TRPM3: variants seen among roughly 807,000 people sequenced by gnomAD.
TRPM3 encodes the protein transient receptor potential cation channel subfamily M member 3.
Under a neutral mutation model 181.2 loss-of-function variants are expected in TRPM3, and 77 were observed. That is an observed-to-expected ratio of 0.42 (90% CI 0.35 to 0.51). TRPM3 has a LOEUF of 0.51. Ranked by LOEUF, TRPM3 falls within the 20% of genes least tolerant of loss-of-function variation. The pLI, the probability that TRPM3 is intolerant of heterozygous loss-of-function variation, is 0.01. For missense variants in TRPM3, 1,759 were observed against 2,196.7 expected, an observed-to-expected ratio of 0.80 and a Z score of 3.98; for synonymous variants, 745 against 796.4, an observed-to-expected ratio of 0.94 and a Z score of 1.09.
chr9:70,613,745 A>C (rs1185106164), intron 18 of TRPM3, among the ~76,000 whole-genome samples: 1 of 152,148 alleles, frequency 6.6e-6, no homozygotes, highest in East Asian at 1.9e-4. Context: ...GCTCTTAGTA[A>C]ACAACGTCAG....
chr9:71,023,751 C>T (rs536544955), intron 1 of TRPM3, among the ~76,000 whole-genome samples: 1 of 150,468 alleles, frequency 6.6e-6, no homozygotes, highest in Admixed American at 6.6e-5. Flanking sequence ...TGTATGAGTT[C>T]ATTTATATTA....
rs147178597 is a variant in TRPM3 at position 70,771,136 on chromosome 9, G to A, written c.1149-9412C>T. The stretch of plus-strand genomic sequence containing the variant: ...ATTTTATGCCATCCTGAACTCAAAC[G>A]GGTGTTAGGATAAGAATTCATACTT... On this transcript the variant is annotated intron_variant, in intron 7 of 25. Coordinates refer to ENST00000677713, the MANE Select transcript of TRPM3 (RefSeq NM_001366145.2). Among the ~76,000 whole-genome samples, 25 of 152,218 alleles carry A rather than the reference G, an allele frequency of 1.6e-4. No individual in the cohort carries two copies. In the East Asian group the frequency reaches 3.7e-3, roughly 22 times the overall value.
chr9:70,759,398 G>T (rs1177289572), intron 8 of TRPM3, among the ~76,000 whole-genome samples: 1 of 152,206 alleles, frequency 6.6e-6, no homozygotes, highest in Non-Finnish European at 1.5e-5. Context: ...GTGTATATTA[G>T]TTCAATCATT....
At chr9:71,364,848 A>AAAAGGATG (rs2092282084) in intron 1 of TRPM3, among the ~76,000 whole-genome samples, 1 of 152,350 alleles carries the variant, frequency 6.6e-6, no homozygotes, top group East Asian at 1.9e-4. Context: ...ATACACAAGA[A>AAAAGGATG]TACATCCTTT....
At chr9:70,810,557 T>C (rs2091838481) in intron 6 of TRPM3, among the ~76,000 whole-genome samples, 1 of 152,140 alleles carries the variant, frequency 6.6e-6, no homozygotes, top group Non-Finnish European at 1.5e-5. Flanking sequence ...TTTTGCTTGA[T>C]GACTCATTCC....
At chr9:71,027,870 G>A (rs915306496) in intron 1 of TRPM3, among the ~76,000 whole-genome samples, 1 of 152,138 alleles carries the variant, frequency 6.6e-6, no homozygotes, top group Non-Finnish European at 1.5e-5. Flanking sequence ...TGGAGAGAAT[G>A]GAAGCAACTT....
chr9:71,230,240 C>T (rs1048853239), intron 1 of TRPM3, among the ~76,000 whole-genome samples: 2 of 152,054 alleles, frequency 1.3e-5, no homozygotes, highest in Non-Finnish European at 2.9e-5. Flanking sequence ...CATATTCTCA[C>T]TTAGTTGTGG....
intron 1 of TRPM3, among the ~76,000 whole-genome samples, chr9:71,188,603 A>G (rs2077825335): frequency 6.6e-6 from 1 of 151,844 alleles, no homozygotes. Context: ...AGGGTTTTAG[A>G]CTTAGTCCAG....
At chr9:71,359,096 G>A (rs1349679562) in intron 1 of TRPM3, among the ~76,000 whole-genome samples, 1 of 152,168 alleles carries the variant, frequency 6.6e-6, no homozygotes, top group Non-Finnish European at 1.5e-5. Flanking sequence ...AGAACTAGGT[G>A]GGCAAGATTA....
intron 3 of TRPM3, among the ~76,000 whole-genome samples, chr9:70,848,173 G>A (rs985716652): frequency 2.0e-5 from 3 of 151,958 alleles, no homozygotes; most frequent in Non-Finnish European, 4.4e-5. Context: ...TGACATATAC[G>A]TGCATATATA....
chr9:70,627,069 A>G (rs1207598903), intron 12 of TRPM3, among the ~76,000 whole-genome samples: 1 of 149,140 alleles, frequency 6.7e-6, no homozygotes, highest in Non-Finnish European at 1.5e-5. Context: ...TTTGAGTATT[A>G]TGTTCTCAGT....
chr9:71,095,023 C>A (rs551383468), intron 1 of TRPM3, among the ~76,000 whole-genome samples: 143 of 152,258 alleles, frequency 9.4e-4, no homozygotes, highest in African/African-American at 3.3e-3. Flanking sequence ...CCAAAACAAC[C>A]ACTTTGTATT....
chr9:71,105,954 C>A (rs2069436632), intron 1 of TRPM3, among the ~76,000 whole-genome samples: 1 of 152,044 alleles, frequency 6.6e-6, no homozygotes, highest in Admixed American at 6.6e-5. Context: ...GGTCACATGG[C>A]TGATTTTTTT....
At chr9:70,938,280 T>A (rs1401385064) in intron 1 of TRPM3, among the ~76,000 whole-genome samples, 1 of 152,150 alleles carries the variant, frequency 6.6e-6, no homozygotes, top group Non-Finnish European at 1.5e-5. Flanking sequence ...CTCTACTTCT[T>A]CTATTCCCTT....
rs542409593 is a variant in TRPM3, at chr9:71,112,965, C to T, written c.177+8213G>A. 8.5e-5 allele frequency among the ~76,000 whole-genome samples: 13 copies of T among 152,162 alleles called. No homozygotes were observed. The South Asian group carries it at 2.7e-3, about 32-fold the overall frequency. ...GCAAAAAACTCAGCTACACGGAATT[C>T]CATGATTTGAGGAGGGGAAAAACAA... is the stretch of plus-strand genomic sequence containing the variant. On this transcript the variant is annotated intron_variant, in intron 1 of 25. Transcript: ENST00000677713.
chr9:70,567,271 G>T (rs979407446), intron 22 of TRPM3, among the ~76,000 whole-genome samples: 1 of 152,242 alleles, frequency 6.6e-6, no homozygotes. Context: ...AGTATGTAAA[G>T]AGAAAGGGTA....
intron 1 of TRPM3, among the ~76,000 whole-genome samples, chr9:71,231,979 C>T (rs1287931830): frequency 6.6e-6 from 1 of 152,150 alleles, no homozygotes; most frequent in African/African-American, 2.4e-5. Flanking sequence ...ATTTAAATGT[C>T]ACGTTTATAT....
intron 1 of TRPM3, among the ~76,000 whole-genome samples, chr9:70,892,305 G>A (rs544529501): frequency 5.9e-5 from 9 of 151,994 alleles, no homozygotes; most frequent in Non-Finnish European, 1.3e-4. Flanking sequence ...AGGCCTTTAT[G>A]AGAGTCTGAA....
intron 1 of TRPM3, among the ~76,000 whole-genome samples, chr9:71,139,351 A>T (rs1161637561): frequency 6.6e-6 from 1 of 152,240 alleles, no homozygotes; most frequent in Non-Finnish European, 1.5e-5. Context: ...TTCAATCTTA[A>T]TTCCTAGAGA....
Sources: allele counts gnomAD v4.1 joint callset (sites outside exome capture counted in the v4.1 genomes callset), GRCh38; gene constraint gnomAD v4.1.1; transcripts MANE v1.5; gene names NCBI Gene and HGNC (gene_info 2026-07-23, HGNC 2026-07-21).